Variants in GREB1L observed in about 807,000 individuals in gnomAD.
The protein encoded by GREB1L is GREB1 like retinoic acid receptor coactivator.
GREB1L carries 17 observed loss-of-function variants against 200.8 expected under a neutral mutation model. The ratio of observed to expected loss-of-function variants is 0.08; its 90% CI spans 0.06 to 0.13. GREB1L has a LOEUF of 0.13. GREB1L is among the 10% of genes least tolerant of loss of function. The pLI is 1.00. For missense variants in GREB1L, 1,657 were observed against 2,367.7 expected (o/e 0.70, Z 6.23); for synonymous variants, 789 against 893.0 (o/e 0.88, Z 2.08).
intron 7 of GREB1L, among the ~76,000 whole-genome samples, chr18:21,405,036 A>AGC (rs1567983539): frequency 1.3e-3 from 200 of 152,366 alleles, no homozygotes; most frequent in African/African-American, 4.4e-3. Context: ...CAGCAGCAGC[A>AGC]ATGATAATAA....
At chr18:21,250,593 A>G (rs1009200572) in intron 1 of GREB1L, among the ~76,000 whole-genome samples, 3 of 152,236 alleles carry the variant, frequency 2.0e-5, no homozygotes, top group Non-Finnish European at 4.4e-5. Flanking sequence ...CTGCCTGTAT[A>G]GGTTAGTGTG....
intron 1 of GREB1L, among the ~76,000 whole-genome samples, chr18:21,251,583 A>G (rs1296442602): frequency 6.6e-6 from 1 of 152,226 alleles, no homozygotes; most frequent in Non-Finnish European, 1.5e-5. Flanking sequence ...TTGTAAAGCA[A>G]GAACCATAAA....
At chr18:21,264,993 G>T (rs1168976272) in intron 1 of GREB1L, among the ~76,000 whole-genome samples, 1 of 152,064 alleles carries the variant, frequency 6.6e-6, no homozygotes, top group Non-Finnish European at 1.5e-5. Context: ...CCACATTCTT[G>T]CTGTTACTAA....
chr18:21,362,221 G>A (rs2039591202), intron 1 of GREB1L, among the ~76,000 whole-genome samples: 1 of 152,034 alleles, frequency 6.6e-6, no homozygotes, highest in Non-Finnish European at 1.5e-5. Flanking sequence ...GAGGAAATAA[G>A]AGAGACATAA....
Position 21,444,248 on chromosome 18 carries a change from A to C in GREB1L, c.1232A>C (p.Tyr411Ser). The C allele has an allele frequency of 6.4e-7, 1 of 1,551,402 alleles. No individual in the cohort carries two copies. Residue 411 changes from tyrosine (Y) to serine (S), a missense_variant, in exon 11 of 33, where the codon TAT (tyrosine) becomes TCT (serine). Tyr to Ser is a moderately radical substitution (Grantham distance 144, BLOSUM62 -2). Transcript: ENST00000424526. ...LIGYGTLPYF[Y>S]GNVGDIVVSP... The stretch of plus-strand genomic sequence containing the variant: ...GGCTATGGCACTTTACCCTATTTCT[A>C]TGGAAATGTTGGTGACATTGTTGTG...
intron 7 of GREB1L, among the ~76,000 whole-genome samples, chr18:21,432,193 G>T (rs1336655188): frequency 6.6e-6 from 1 of 151,962 alleles, no homozygotes; most frequent in Non-Finnish European, 1.5e-5. Flanking sequence ...AAAGTCCTGG[G>T]ATTACAGGCG....
intron 17 of GREB1L, among the ~76,000 whole-genome samples, chr18:21,481,604 G>T (rs1166711786): frequency 1.3e-5 from 2 of 151,696 alleles, no homozygotes; most frequent in Admixed American, 1.3e-4. Flanking sequence ...CTCAGATCAA[G>T]AAACAGAATA....
intron 7 of GREB1L, among the ~76,000 whole-genome samples, chr18:21,411,419 G>C (rs1218025779): frequency 1.3e-5 from 2 of 151,876 alleles, no homozygotes; most frequent in Admixed American, 1.3e-4. Flanking sequence ...TGTTAGCCAG[G>C]ATGGTCTCGA....
chr18:21,515,727 T>A, intron 29 of GREB1L, 83 bp downstream of exon 29: 1 of 970,112 alleles, frequency 1.0e-6, no homozygotes, highest in Non-Finnish European at 1.5e-6. Context: ...ATGCTTTTAT[T>A]CGTATGTCTT....
chr18:21,377,277 G>A (rs1314706436), intron 2 of GREB1L, among the ~76,000 whole-genome samples: 1 of 151,780 alleles, frequency 6.6e-6, no homozygotes, highest in African/African-American at 2.4e-5. Flanking sequence ...AAAAAAAAAA[G>A]AGTAGCTTGG....
At chr18:21,472,731 A>C (rs1412817883) in intron 15 of GREB1L, among the ~76,000 whole-genome samples, 1 of 152,200 alleles carries the variant, frequency 6.6e-6, no homozygotes, top group Non-Finnish European at 1.5e-5. Flanking sequence ...TGTTATATAC[A>C]AATAGAATTT....
At chr18:21,405,654 A>G (rs2030109893) in intron 7 of GREB1L, among the ~76,000 whole-genome samples, 1 of 152,158 alleles carries the variant, frequency 6.6e-6, no homozygotes, top group Non-Finnish European at 1.5e-5. Context: ...CACAAAAATT[A>G]GCTGGGCATG....
intron 32 of GREB1L, 77 bp from the exon 33 acceptor site, chr18:21,522,581 G>T (rs2037622422): frequency 1.7e-6 from 2 of 1,151,714 alleles, no homozygotes; most frequent in Non-Finnish European, 2.4e-6. Context: ...GTTAGCTTAG[G>T]AAATATAATC....
At chr18:21,274,892 AAATAAT>A (rs912366681) in intron 1 of GREB1L, among the ~76,000 whole-genome samples, 2 of 152,036 alleles carry the variant, frequency 1.3e-5, no homozygotes, top group African/African-American at 4.8e-5. Flanking sequence ...ATCTCTAAAA[AAATAAT>A]AATAATTAAT....
chr18:21,318,105 C>T (rs1179450691), intron 1 of GREB1L, among the ~76,000 whole-genome samples: 1 of 89,658 alleles, frequency 1.1e-5, no homozygotes, highest in South Asian at 4.2e-4. Flanking sequence ...GAGATTCCGT[C>T]AAAAAAAAAA....
intron 2 of GREB1L, 148 bp downstream of exon 2, chr18:21,366,284 C>G (rs928335373): frequency 6.6e-6 from 1 of 152,086 alleles, no homozygotes; most frequent in African/African-American, 2.4e-5. Context: ...CCCTGCTTTC[C>G]TCTCCCCTCC....
At chr18:21,294,793 T>C (rs2038501850) in intron 1 of GREB1L, among the ~76,000 whole-genome samples, 1 of 152,126 alleles carries the variant, frequency 6.6e-6, no homozygotes. Context: ...GAGAGAAAAT[T>C]GAGGCCTAGA....
At chr18:21,348,753 C>T (rs1349372641) in intron 1 of GREB1L, among the ~76,000 whole-genome samples, 1 of 151,586 alleles carries the variant, frequency 6.6e-6, no homozygotes, top group Non-Finnish European at 1.5e-5. Flanking sequence ...CCAGCCTGGG[C>T]AACAGAGCCA....
intron 1 of GREB1L, among the ~76,000 whole-genome samples, chr18:21,296,750 G>A (rs988908959): frequency 1.3e-5 from 2 of 151,876 alleles, no homozygotes; most frequent in Non-Finnish European, 2.9e-5. Context: ...CACCTCATGG[G>A]TTCAAGCAGT....
Sources: gnomAD v4.1 joint callset for allele counts (sites outside exome capture counted in the v4.1 genomes callset) on GRCh38, gnomAD v4.1.1 for gene constraint, MANE v1.5 for transcripts, NCBI Gene and HGNC (gene_info 2026-07-23, HGNC 2026-07-21) for gene names.